Variants in MALRD1 observed in about 807,000 individuals in gnomAD.
MALRD1 encodes the protein MAM and LDL receptor class A domain containing 1, also known as MAM and LDL-receptor class A domain-containing protein 1.
A neutral mutation model predicts 242.1 loss-of-function variants in MALRD1; 247 were observed. The ratio of observed to expected loss-of-function variants is 1.02; its 90% CI spans 0.92 to 1.13. The LOEUF (loss-of-function observed/expected upper bound fraction) is 1.13, where lower values mean the gene tolerates loss of function less well. MALRD1 is among the 50% of genes most tolerant of loss of function. The probability of loss-of-function intolerance (pLI) is 0.00; values close to 1 mark genes in which losing one functional copy is unlikely to be tolerated. For missense variants in MALRD1, 2,989 were observed against 2,533.1 expected (o/e 1.18, Z -3.86); for synonymous variants, 995 against 866.6 (o/e 1.15, Z -2.60).
chr10:19,242,352 T>C (rs573735232), intron 18 of MALRD1, among the ~76,000 whole-genome samples: 1 of 152,110 alleles, frequency 6.6e-6, no homozygotes, highest in African/African-American at 2.4e-5. Context: ...GTATGAATTA[T>C]GGGAGCTATA....
chr10:19,279,797 G>T (rs1199281750), intron 19 of MALRD1, among the ~76,000 whole-genome samples: 1 of 152,132 alleles, frequency 6.6e-6, no homozygotes, highest in African/African-American at 2.4e-5. Flanking sequence ...CATTGATTTG[G>T]TGAGCTCTGA....
intron 14 of MALRD1, among the ~76,000 whole-genome samples, chr10:19,183,262 A>C (rs763448741): frequency 3.9e-5 from 6 of 152,134 alleles, no homozygotes; most frequent in Non-Finnish European, 8.8e-5. Context: ...AGGTAAAGAC[A>C]CAGTGAAGAA....
chr10:19,568,713 G>A (rs1281777440), intron 33 of MALRD1, among the ~76,000 whole-genome samples: 4 of 151,680 alleles, frequency 2.6e-5, no homozygotes, highest in Non-Finnish European at 5.9e-5. Flanking sequence ...GATCATCAAG[G>A]CCTCCTGGTT....
intron 18 of MALRD1, among the ~76,000 whole-genome samples, chr10:19,229,149 C>A (rs763418393): frequency 6.6e-6 from 1 of 152,004 alleles, no homozygotes; most frequent in Non-Finnish European, 1.5e-5. Flanking sequence ...GCATTATTGC[C>A]TAAATTATGT....
intron 10 of MALRD1, among the ~76,000 whole-genome samples, chr10:19,138,706 C>T (rs1428716163): frequency 6.6e-6 from 1 of 152,200 alleles, no homozygotes; most frequent in Non-Finnish European, 1.5e-5. Context: ...AGACATGAGC[C>T]ACTGCACCTG....
At chr10:19,161,444 G>A (rs1834396480) in intron 12 of MALRD1, among the ~76,000 whole-genome samples, 1 of 130,888 alleles carries the variant, frequency 7.6e-6, no homozygotes, top group African/African-American at 2.7e-5. Context: ...CGTGGCACAT[G>A]TATACATATG....
intron 32 of MALRD1, among the ~76,000 whole-genome samples, chr10:19,555,653 A>G (rs987107076): frequency 5.3e-5 from 8 of 152,268 alleles, no homozygotes; most frequent in Non-Finnish European, 8.8e-5. Flanking sequence ...GAAAACGTCT[A>G]CACCATTGTA....
At chr10:19,202,209 AGTG>A (rs1262159519) in intron 14 of MALRD1, among the ~76,000 whole-genome samples, 9,932 of 152,132 alleles carry the variant, frequency 0.065, 428 homozygotes, top group Middle Eastern at 0.11. Flanking sequence ...TTGCATATTA[AGTG>A]TAGATGTGAC....
chr10:19,268,586 C>G (rs1337377034), intron 19 of MALRD1, among the ~76,000 whole-genome samples: 2 of 151,936 alleles, frequency 1.3e-5, no homozygotes, highest in Non-Finnish European at 2.9e-5. Flanking sequence ...ACAGGGAAAA[C>G]GTATACGTTG....
chr10:19,243,876 A>G (rs1171870902), intron 18 of MALRD1, among the ~76,000 whole-genome samples: 2 of 152,184 alleles, frequency 1.3e-5, no homozygotes, highest in South Asian at 2.1e-4. Flanking sequence ...AGAAGGCTTA[A>G]TAGAATATGT....
intron 14 of MALRD1, among the ~76,000 whole-genome samples, chr10:19,197,411 C>G (rs1468471350): frequency 6.6e-6 from 1 of 152,184 alleles, no homozygotes; most frequent in Non-Finnish European, 1.5e-5. Context: ...CTGCTTAAAA[C>G]ATCCCAGTTG....
At position 19,128,319 on chromosome 10, in the gene MALRD1, A is replaced by T. The variant is rs1837346092; in HGVS notation, c.1042A>T (p.Ser348Cys). Residue 348 changes from serine to cysteine, a missense_variant, in exon 8 of 40, where the codon AGC becomes TGC. Ser to Cys is a moderately radical substitution (Grantham distance 112). Transcript: ENST00000454679. ...CTCTGTGTGTCATTGCCTGGGCAAG[A>T]GCTGTCATCTTCAATTCTATTATGC... ...NSSVCHCLGK[S>C]CHLQFYYAME... 8.1e-7 allele frequency: 1 copy of T among 1,233,384 alleles called. No individual in the cohort carries two copies. Among genetic ancestry groups the T allele is most frequent in the Admixed American group, 4.2e-5 (1 of 23,696 alleles). 76.4% of individuals were successfully genotyped at this position (1,233,384 alleles called of 1,614,324 possible).
At chr10:19,521,798 T>C (rs1371636224) in intron 31 of MALRD1, among the ~76,000 whole-genome samples, 1 of 152,180 alleles carries the variant, frequency 6.6e-6, no homozygotes, top group Non-Finnish European at 1.5e-5. Context: ...AGGTAATTGT[T>C]AGTATCTCCA....
chr10:19,394,377 G>C (rs888463862), intron 28 of MALRD1, among the ~76,000 whole-genome samples: 4 of 152,092 alleles, frequency 2.6e-5, no homozygotes, highest in Non-Finnish European at 5.9e-5. Flanking sequence ...TCTAACTTAA[G>C]GCTCTTCTAC....
At chr10:19,449,252 C>G (rs1340293733) in intron 28 of MALRD1, among the ~76,000 whole-genome samples, 1 of 152,212 alleles carries the variant, frequency 6.6e-6, no homozygotes, top group Admixed American at 6.5e-5. Flanking sequence ...TCTCAGCTCA[C>G]TGCAACGCCT....
intron 29 of MALRD1, chr10:19,489,231 C>T (rs900783410): frequency 8.2e-5 from 39 of 475,922 alleles, no homozygotes; most frequent in African/African-American, 7.2e-4. Flanking sequence ...GCGAAGGATA[C>T]ATCTTAAGAC....
chr10:19,162,411 T>C (rs1341325702), intron 12 of MALRD1, among the ~76,000 whole-genome samples: 1 of 152,196 alleles, frequency 6.6e-6, no homozygotes, highest in East Asian at 1.9e-4. Context: ...ACTTAGAAAA[T>C]ACAAATTACT....
At chr10:19,691,350 T>C (rs1226918439) in intron 36 of MALRD1, among the ~76,000 whole-genome samples, 2 of 152,114 alleles carry the variant, frequency 1.3e-5, no homozygotes, top group Non-Finnish European at 2.9e-5. Context: ...GGAATTACTT[T>C]TGAGCATACA....
At chr10:19,262,343 TCC>T (rs1294392660) in intron 19 of MALRD1, among the ~76,000 whole-genome samples, 2 of 126,956 alleles carry the variant, frequency 1.6e-5, no homozygotes, top group Admixed American at 9.6e-5. Flanking sequence ...TAGTTACCCC[TCC>T]TCTGTGTGTG....
Sources: allele counts gnomAD v4.1 joint callset (sites outside exome capture counted in the v4.1 genomes callset), GRCh38; gene constraint gnomAD v4.1.1; transcripts MANE v1.5; gene names NCBI Gene and HGNC (gene_info 2026-07-23, HGNC 2026-07-21).